The following SLC24A3 variants were observed in gnomAD, a reference collection of about 807,000 sequenced individuals.
SLC24A3 encodes solute carrier family 24 member 3.
In SLC24A3, 28 loss-of-function variants were observed where a neutral mutation model predicts 75.8. The observed-to-expected ratio is 0.37, with a 90% CI of 0.27 to 0.51. The LOEUF (loss-of-function observed/expected upper bound fraction) is 0.51, where lower values mean the gene tolerates loss of function less well. SLC24A3 is among the 20% of genes least tolerant of loss of function. The probability of loss-of-function intolerance (pLI) is 0.94; values close to 1 mark genes in which losing one functional copy is unlikely to be tolerated. For missense variants in SLC24A3, 663 were observed against 847.8 expected (o/e 0.78, Z 2.71); for synonymous variants, 372 against 334.1 (o/e 1.11, Z -1.24).
intron 2 of SLC24A3, among the ~76,000 whole-genome samples, chr20:19,428,076 G>A (rs1338772714): frequency 6.6e-6 from 1 of 152,186 alleles, no homozygotes; most frequent in Non-Finnish European, 1.5e-5. Flanking sequence ...TTATTTCAGT[G>A]CAGTCTTTTG....
intron 2 of SLC24A3, among the ~76,000 whole-genome samples, chr20:19,474,730 G>A (rs370220897): frequency 6.6e-6 from 1 of 152,220 alleles, no homozygotes; most frequent in South Asian, 2.1e-4. Context: ...TTTTTTGTGT[G>A]TGTGGTAAGA....
intron 2 of SLC24A3, among the ~76,000 whole-genome samples, chr20:19,454,324 T>A (rs958223883): frequency 1.3e-5 from 2 of 152,236 alleles, no homozygotes; most frequent in Non-Finnish European, 2.9e-5. Context: ...GGGCATCTTT[T>A]GCACTGATAA....
In SLC24A3 at chr20:19,415,165, A is replaced by C. The variant is rs73900104; in HGVS notation, c.272-100323A>C. ...TGTCCAGCAGCAGGGGTCTTTGGGAAGTGATATAAGGATCCTGGTGGTGTT... is the reference window on the plus strand; with the variant it reads ...TGTCCAGCAGCAGGGGTCTTTGGGACGTGATATAAGGATCCTGGTGGTGTT... On this transcript the variant is annotated intron_variant, in intron 2 of 16. Transcript: ENST00000328041. 9.7e-3 allele frequency among the ~76,000 whole-genome samples: 1,475 copies of C among 152,324 alleles called. 17 individuals carry two copies. The highest frequency in any genetic ancestry group is 0.033 in the African/African-American group (1,391 of 41,576).
chr20:19,215,172 G>C (rs555854676), intron 1 of SLC24A3, among the ~76,000 whole-genome samples: 4 of 152,182 alleles, frequency 2.6e-5, no homozygotes, highest in Non-Finnish European at 5.9e-5. Flanking sequence ...GGGAATTGTC[G>C]TTTGGCACAC....
intron 2 of SLC24A3, among the ~76,000 whole-genome samples, chr20:19,449,390 GC>G (rs1447341608): frequency 7.9e-5 from 12 of 152,342 alleles, no homozygotes; most frequent in Admixed American, 2.0e-4. Context: ...GGGTCTTCCT[GC>G]CCCACGTGGC....
chr20:19,645,047 T>C (rs912831724), intron 6 of SLC24A3, among the ~76,000 whole-genome samples: 2 of 152,254 alleles, frequency 1.3e-5, no homozygotes, highest in African/African-American at 4.8e-5. Flanking sequence ...ACCGCAGTTA[T>C]CTCAGAGCTC....
At chr20:19,410,459 G>C (rs1276215507) in intron 2 of SLC24A3, among the ~76,000 whole-genome samples, 1 of 152,170 alleles carries the variant, frequency 6.6e-6, no homozygotes, top group Admixed American at 6.5e-5. Context: ...GCTCTCTCAG[G>C]CTATCTCACC....
intron 2 of SLC24A3, among the ~76,000 whole-genome samples, chr20:19,321,438 A>G (rs1339551233): frequency 1.3e-5 from 2 of 152,210 alleles, no homozygotes; most frequent in Non-Finnish European, 2.9e-5. Flanking sequence ...GAGGAAAAAC[A>G]TGAATCGGTG....
chr20:19,565,240 A>T (rs892835689), intron 3 of SLC24A3, among the ~76,000 whole-genome samples: 1 of 152,208 alleles, frequency 6.6e-6, no homozygotes, highest in African/African-American at 2.4e-5. Context: ...GCTCCATTAG[A>T]TCCACATGAA....
chr20:19,496,381 G>A (rs1988287854), intron 2 of SLC24A3, among the ~76,000 whole-genome samples: 1 of 152,184 alleles, frequency 6.6e-6, no homozygotes, highest in African/African-American at 2.4e-5. Flanking sequence ...TCAGGACCCT[G>A]TCACATTAAA....
At chr20:19,277,463 C>A (rs182214640) in intron 1 of SLC24A3, among the ~76,000 whole-genome samples, 1 of 152,162 alleles carries the variant, frequency 6.6e-6, no homozygotes, top group Non-Finnish European at 1.5e-5. Flanking sequence ...ACCCTAGAAC[C>A]AACTGCCTCT....
intron 2 of SLC24A3, among the ~76,000 whole-genome samples, chr20:19,342,710 A>G (rs1985296400): frequency 6.6e-6 from 1 of 152,206 alleles, no homozygotes; most frequent in South Asian, 2.1e-4. Flanking sequence ...CAATTCTTCC[A>G]GATGAAGGTG....
At position 19,615,286 on chromosome 20, in the gene SLC24A3, G is replaced by A. The variant is rs1366745193; in HGVS notation, c.612+29742G>A. Among the ~76,000 whole-genome samples the A allele has an allele frequency of 2.6e-5, 4 of 152,210 alleles. No individual in the cohort carries two copies. In the East Asian group the frequency reaches 7.7e-4, roughly 29 times the overall value. ...AGCAGACACGAAGACAGAGTTTTGA[G>A]TGCAAGATATTTTTTAATCAATACC... is the stretch of plus-strand genomic sequence containing the variant. On this transcript the variant is annotated intron_variant, in intron 6 of 16. Coordinates refer to ENST00000328041, the MANE Select transcript of SLC24A3 (RefSeq NM_020689.4).
chr20:19,609,865 T>A (rs2031647916), intron 6 of SLC24A3, among the ~76,000 whole-genome samples: 1 of 152,216 alleles, frequency 6.6e-6, no homozygotes, highest in Admixed American at 6.5e-5. Flanking sequence ...GCTGTGTGCC[T>A]GTGAGTCAGG....
At chr20:19,690,558 G>A (rs558342151) in intron 12 of SLC24A3, among the ~76,000 whole-genome samples, 5 of 152,038 alleles carry the variant, frequency 3.3e-5, no homozygotes, top group East Asian at 1.9e-4. Flanking sequence ...TACTCTGTCC[G>A]TTTGAGGGCA....
intron 1 of SLC24A3, among the ~76,000 whole-genome samples, chr20:19,252,875 A>G (rs1248935363): frequency 6.6e-6 from 1 of 152,222 alleles, no homozygotes; most frequent in Non-Finnish European, 1.5e-5. Flanking sequence ...GCTCTGTGCT[A>G]AATTCTAAAG....
chr20:19,592,631 G>A (rs936782489), intron 6 of SLC24A3, among the ~76,000 whole-genome samples: 1 of 152,074 alleles, frequency 6.6e-6, no homozygotes, highest in Non-Finnish European at 1.5e-5. Context: ...GTGGCCAGGG[G>A]TGAGGACTCC....
chr20:19,640,061 T>C (rs1054195407), intron 6 of SLC24A3, among the ~76,000 whole-genome samples: 1 of 152,192 alleles, frequency 6.6e-6, no homozygotes, highest in East Asian at 1.9e-4. Flanking sequence ...GGGGCCTTGA[T>C]CAGCCCAGAA....
chr20:19,440,531 A>C (rs955666827), intron 2 of SLC24A3, among the ~76,000 whole-genome samples: 20 of 152,182 alleles, frequency 1.3e-4, no homozygotes, highest in African/African-American at 4.8e-4. Context: ...CTTCCAAACC[A>C]TGAGGTAAGA....
Sources: gnomAD v4.1 joint callset for allele counts (sites outside exome capture counted in the v4.1 genomes callset) on GRCh38, gnomAD v4.1.1 for gene constraint, MANE v1.5 for transcripts, NCBI Gene and HGNC (gene_info 2026-07-23, HGNC 2026-07-21) for gene names.